The following ITM2C variants were observed in gnomAD, a reference collection of about 807,000 sequenced individuals.
ITM2C encodes the protein integral membrane protein 2C, also known as BRICHOS domain containing 2C.
ITM2C carries 20 observed loss-of-function variants against 30.0 expected under a neutral mutation model. The observed-to-expected ratio is 0.67, with a 90% confidence interval of 0.47 to 0.97. The LOEUF (loss-of-function observed/expected upper bound fraction) is 0.97, where lower values mean the gene tolerates loss of function less well. ITM2C is among the 50% of genes least tolerant of loss of function. The probability of loss-of-function intolerance (pLI) is 0.00; values close to 1 mark genes in which losing one functional copy is unlikely to be tolerated. For synonymous variants in ITM2C, 167 were observed against 156.4 expected (o/e 1.07, Z -0.51); for missense variants, 366 against 371.9 (o/e 0.98, Z 0.13).
chr2:230,878,021 T>A lies in ITM2C; in HGVS notation c.726T>A (p.Arg242=), dbSNP rs754952141. Residue 242 remains arginine (R), a synonymous_variant, in exon 6 of 6, where the codon CGT becomes CGA. Transcript: ENST00000326427. This position sits in a 1 kb window ranked among gnomAD's most constrained non-coding sequence, Gnocchi z 4.5. ...RRATRRRINK[R]GAKNCNAIRH... Reference sequence around the variant, plus strand: ...TTTTCCTCCCAGGGATCAACAAGCGTGGGGCCAAGAACTGCAATGCCATCC... The same window carrying A: ...TTTTCCTCCCAGGGATCAACAAGCGAGGGGCCAAGAACTGCAATGCCATCC... The A allele has an allele frequency of 5.6e-6, 9 of 1,612,622 alleles. No homozygotes were observed. In the South Asian group the frequency reaches 9.9e-5, roughly 18 times the overall value.
At chr2:230,867,997 T>C (rs1697070617) in intron 1 of ITM2C, among the ~76,000 whole-genome samples, 1 of 151,110 alleles carries the variant, frequency 6.6e-6, no homozygotes, top group African/African-American at 2.4e-5. Context: ...GGAGGAGCAC[T>C]CGGTGAACAG....
chr2:230,864,986 C>G lies in ITM2C; in HGVS notation c.-40C>G, dbSNP rs1243257849. The stretch of plus-strand genomic sequence containing the variant: ...GCGGAGGCAGAGACCGAGGCTGCAC[C>G]GGCAGAGGCTGCGGGGCGGACGCGC... On this transcript the variant is annotated 5_prime_UTR_variant, in exon 1 of 6. Transcript: ENST00000326427. This position sits in a 1 kb window ranked among gnomAD's most constrained non-coding sequence, Gnocchi z 4.3. 3 of 1,428,858 alleles carry G rather than the reference C, an allele frequency of 2.1e-6. No homozygotes were observed. The highest frequency in any genetic ancestry group is 2.8e-6 in the Non-Finnish European group (3 of 1,080,650). The allele number at this position is 1,428,858 out of a possible 1,614,324, so 88.5% of individuals were successfully genotyped here. A position where few individuals can be genotyped will look rare whatever the true frequency, so the allele number is the denominator to read the frequency against.
At chr2:230,876,664 G>A (rs1697305969) in intron 3 of ITM2C, among the ~76,000 whole-genome samples, 193 bp from the exon 4 acceptor site, 1 of 152,162 alleles carries the variant, frequency 6.6e-6, no homozygotes, top group Non-Finnish European at 1.5e-5. Flanking sequence ...TGTATTTTTA[G>A]TAGAGACGGG....
chr2:230,870,057 G>A (rs1197094071), intron 1 of ITM2C, among the ~76,000 whole-genome samples: 1 of 152,220 alleles, frequency 6.6e-6, no homozygotes, highest in Non-Finnish European at 1.5e-5. Flanking sequence ...TGGGCCATTC[G>A]GCCATCTTTC....
chr2:230,865,260 G>T lies in ITM2C; in HGVS notation c.120+115G>T. The T allele has an allele frequency of 8.8e-7, 1 of 1,139,546 alleles. No homozygotes were observed. Among genetic ancestry groups the T allele is most frequent in the South Asian group, 2.7e-5 (1 of 37,468 alleles). 70.6% of individuals were successfully genotyped at this position (1,139,546 alleles called of 1,614,324 possible). ...GCGTCAGGGCCCCAGAGCCCGGGGTGGAGCAGGGTTGGGAAGTCTCGAATG... is the reference window on the plus strand; with the variant it reads ...GCGTCAGGGCCCCAGAGCCCGGGGTTGAGCAGGGTTGGGAAGTCTCGAATG... On this transcript the variant is annotated intron_variant, in intron 1 of 5. Coordinates refer to ENST00000326427, the MANE Select transcript of ITM2C (RefSeq NM_030926.6). The surrounding 1 kb of genome is among the most constrained non-coding windows in gnomAD (Gnocchi z 6.8).
Position 230,877,657 on chromosome 2 carries a change from C to A in ITM2C, c.712+107C>A. On this transcript the variant is annotated intron_variant, in intron 5 of 5. Coordinates refer to ENST00000326427, the MANE Select transcript of ITM2C (RefSeq NM_030926.6). This position sits in a 1 kb window ranked among gnomAD's most constrained non-coding sequence, Gnocchi z 4.8. ...AGAGCTCAGATAGCAGCAGCAATAA[C>A]AGCTAGCATTAGCAGAGCACTTCCG... 8.1e-7 allele frequency: 1 copy of A among 1,234,728 alleles called. No homozygotes were observed. The highest frequency in any genetic ancestry group is 1.3e-5 in the South Asian group (1 of 74,210). 76.5% of individuals were successfully genotyped at this position (1,234,728 alleles called of 1,614,324 possible). A position where few individuals can be genotyped will look rare whatever the true frequency, so the allele number is the denominator to read the frequency against.
intron 1 of ITM2C, among the ~76,000 whole-genome samples, chr2:230,872,896 G>A (rs985292841): frequency 1.3e-5 from 2 of 152,074 alleles, no homozygotes; most frequent in African/African-American, 2.4e-5. Context: ...TCTGCACCTT[G>A]GTTTTAGAGT....
Position 230,876,880 on chromosome 2 carries a change from C to T in ITM2C, c.474C>T (p.Ile158=), listed in dbSNP as rs1697313293. 6.2e-7 allele frequency: 1 copy of T among 1,613,758 alleles called. No homozygotes were observed. The highest frequency in any genetic ancestry group is 8.5e-7 in the Non-Finnish European group (1 of 1,179,656). Reference sequence around the variant, plus strand: ...AGGGTCTGACTGCGTACCATGATATCTCCCTGGACAAGTGCTATGTCATCG... The same window carrying T: ...AGGGTCTGACTGCGTACCATGATATTTCCCTGGACAAGTGCTATGTCATCG... The part of the protein sequence containing the change: ...FQRGLTAYHD[I]SLDKCYVIEL... The change falls in exon 4 of 6, where the codon ATC becomes ATT. Residue 158 remains isoleucine (I), a synonymous_variant. Coordinates refer to ENST00000326427, the MANE Select transcript of ITM2C (RefSeq NM_030926.6).
chr2:230,868,338 C>T (rs1441066142), intron 1 of ITM2C, among the ~76,000 whole-genome samples: 1 of 151,990 alleles, frequency 6.6e-6, no homozygotes, highest in Non-Finnish European at 1.5e-5. Flanking sequence ...CCGGAAGCAC[C>T]CCCTGGGACA....
chr2:230,870,971 G>A (rs1260922248), intron 1 of ITM2C, among the ~76,000 whole-genome samples: 1 of 152,108 alleles, frequency 6.6e-6, no homozygotes, highest in African/African-American at 2.4e-5. Context: ...CCACAATGCA[G>A]CCTCAACAGC....
In ITM2C at chr2:230,865,105, C is replaced by G; in HGVS notation, c.80C>G (p.Ala27Gly). Residue 27 changes from alanine to glycine, a missense_variant, in exon 1 of 6, where the codon GCG (alanine) becomes GGG (glycine). Transcript: ENST00000326427. The surrounding 1 kb of genome is among the most constrained non-coding windows in gnomAD (Gnocchi z 6.8). ...GACAAGGCGTCGGCGTCGGCCCCTG[C>G]GCCGGCCTCGGCCACCGAGATCCTG... ...KADKASASAP[A>G]PASATEILLT... 6.6e-7 allele frequency: 1 copy of G among 1,511,436 alleles called. No homozygotes were observed. The highest frequency in any genetic ancestry group is 8.9e-7 in the Non-Finnish European group (1 of 1,125,098). 93.6% of individuals were successfully genotyped at this position (1,511,436 alleles called of 1,614,324 possible).
chr2:230,874,840 G>A (rs1559157702), intron 2 of ITM2C, among the ~76,000 whole-genome samples: 1 of 152,218 alleles, frequency 6.6e-6, no homozygotes, highest in African/African-American at 2.4e-5. Context: ...CCATTCAGTT[G>A]ATGGGATCAC....
rs1039680006 is a variant in ITM2C, at chr2:230,876,776, G to A, written c.451-81G>A. The A allele has an allele frequency of 6.4e-6, 6 of 933,372 alleles. No individual in the cohort carries two copies. The African/African-American group carries it at 9.7e-5, about 15-fold the overall frequency. The allele number at this position is 933,372 out of a possible 1,614,324, so 57.8% of individuals were successfully genotyped here. A position where few individuals can be genotyped will look rare whatever the true frequency, so the allele number is the denominator to read the frequency against. ...ATTACAGGCATGAGCCACCGCGCCT[G>A]GCTGGCCAAAGCTTCTTGCAGCCCT... On this transcript the variant is annotated intron_variant, in intron 3 of 5. Transcript: ENST00000326427.
Position 230,865,121 on chromosome 2 carries a change from C to G in ITM2C, c.96C>G (p.Thr32=), listed in dbSNP as rs1181305651. 8.0e-6 allele frequency: 12 copies of G among 1,498,542 alleles called. No individual in the cohort carries two copies. Among genetic ancestry groups the G allele is most frequent in the Non-Finnish European group, 1.1e-5 (12 of 1,117,052 alleles). 92.8% of individuals were successfully genotyped at this position (1,498,542 alleles called of 1,614,324 possible). A position where few individuals can be genotyped will look rare whatever the true frequency, so the allele number is the denominator to read the frequency against. The change falls in exon 1 of 6, where the codon ACC becomes ACG. Residue 32 remains threonine (T), a synonymous_variant. Transcript: ENST00000326427. The surrounding 1 kb of genome is among the most constrained non-coding windows in gnomAD (Gnocchi z 6.8). ...SASAPAPASA[T]EILLTPAREE... ...CGGCCCCTGCGCCGGCCTCGGCCAC[C>G]GAGATCCTGCTGACGCCGGCTAGGG...
At position 230,865,479 on chromosome 2, in the gene ITM2C, T is replaced by G; in HGVS notation, c.120+334T>G. ...TGGTCCGAAGAAGTTCGAGGAATGT[T>G]GGTGGGGGGGTACGCGTCTGGTTCC... On this transcript the variant is annotated intron_variant, in intron 1 of 5. Coordinates refer to ENST00000326427, the MANE Select transcript of ITM2C (RefSeq NM_030926.6). The surrounding 1 kb of genome is among the most constrained non-coding windows in gnomAD (Gnocchi z 6.8). The G allele has an allele frequency of 4.7e-6, 1 of 213,200 alleles. No homozygotes were observed. The highest frequency in any genetic ancestry group is 9.2e-6 in the Non-Finnish European group (1 of 108,708). 13.2% of individuals were successfully genotyped at this position (213,200 alleles called of 1,614,324 possible).
At position 230,873,572 on chromosome 2, in the gene ITM2C, C is replaced by T. The variant is rs769449030; in HGVS notation, c.261+15C>T. 6.3e-6 allele frequency: 10 copies of T among 1,592,788 alleles called. No homozygotes were observed. On this transcript the variant is annotated intron_variant, in intron 2 of 5. Transcript: ENST00000326427. ...TCCTTGCGCAGGTGAGGGGCCGGGC[C>T]AGGTAGGGGCAAGGCCTCGAGAAAG...
intron 1 of ITM2C, among the ~76,000 whole-genome samples, chr2:230,866,634 G>A (rs1378548013): frequency 6.6e-6 from 1 of 152,198 alleles, no homozygotes; most frequent in Non-Finnish European, 1.5e-5. Context: ...TGGAGGGGGC[G>A]CTCCATATTT....
Position 230,875,618 on chromosome 2 carries a change from A to T in ITM2C, c.262-2A>T. 1.3e-6 allele frequency: 2 copies of T among 1,595,572 alleles called. No homozygotes were observed. The highest frequency in any genetic ancestry group is 2.2e-5 in the East Asian group (1 of 44,668). ...GTCTGTCTGTCTCTCCGCCTTGCTC[A>T]GCTGGCCCGAGATAACTTCTTCCGC... is the stretch of plus-strand genomic sequence containing the variant. On this transcript the variant is annotated splice_acceptor_variant, in intron 2 of 5. Coordinates refer to ENST00000326427, the MANE Select transcript of ITM2C (RefSeq NM_030926.6). LOFTEE classifies it high-confidence loss of function.
At chr2:230,871,469 G>A (rs1343002472) in intron 1 of ITM2C, among the ~76,000 whole-genome samples, 1 of 152,236 alleles carries the variant, frequency 6.6e-6, no homozygotes, top group East Asian at 1.9e-4. Context: ...AACCCCCTGT[G>A]GCCAGCAGCT....
Sources: allele counts gnomAD v4.1 joint callset (sites outside exome capture counted in the v4.1 genomes callset), GRCh38; gene constraint gnomAD v4.1.1; non-coding constraint Gnocchi (gnomAD v3.1); transcripts MANE v1.5; gene names NCBI Gene and HGNC (gene_info 2026-07-23, HGNC 2026-07-21).